ATPAF1: variants seen among roughly 807,000 people sequenced by gnomAD.
ATPAF1 encodes homolog of yeast ATP11.
In ATPAF1, 26 loss-of-function variants were observed where a neutral mutation model predicts 43.9. That is an observed-to-expected ratio of 0.59 (90% CI 0.43 to 0.82). ATPAF1 has a LOEUF of 0.82. Among genes scored for constraint, ATPAF1 ranks in the 40% least tolerant of loss-of-function variants. The pLI, the probability that ATPAF1 is intolerant of heterozygous loss-of-function variation, is 0.00. For missense variants in ATPAF1, 366 were observed against 435.0 expected, an observed-to-expected ratio of 0.84 and a Z score of 1.41; for synonymous variants, 157 against 168.0, an observed-to-expected ratio of 0.93 and a Z score of 0.50.
At position 46,668,094 on chromosome 1, in the gene ATPAF1, A is replaced by G; in HGVS notation, c.229T>C (p.Tyr77His). Residue 77 changes from tyrosine (Y) to histidine (H), a missense_variant, in exon 1 of 9, where the codon TAC becomes CAC. By Grantham distance (83) the Tyr-to-His change is moderately conservative (BLOSUM62 2). Around this residue, in one of 2 missense-constraint regions of ATPAF1, gnomAD observed 186 missense variants for 168.5 expected, o/e 1.10. Coordinates refer to ENST00000574428, the Ensembl canonical transcript of ATPAF1. This position sits in a 1 kb window ranked among gnomAD's most constrained non-coding sequence, Gnocchi z 4.4. The stretch of plus-strand genomic sequence containing the variant: ...TGGATCTTGTCGCGGTAGCGGTCGT[A>G]GAAAGGGTTGGCCTGGAGCTCGGCC... The G allele has an allele frequency of 6.9e-7, 1 of 1,454,838 alleles. No individual in the cohort carries two copies. Among genetic ancestry groups the G allele is most frequent in the Non-Finnish European group, 9.1e-7 (1 of 1,101,884 alleles). 90.1% of individuals were successfully genotyped at this position (1,454,838 alleles called of 1,614,324 possible). A position where few individuals can be genotyped will look rare whatever the true frequency, so the allele number is the denominator to read the frequency against.
chr1:46,635,769 T>C, exon 9 of ATPAF1: 1 of 1,611,578 alleles, frequency 6.2e-7, no homozygotes, highest in East Asian at 2.2e-5. Context: ...GGCCAACCTG[T>C]ACAGTTCTAA....
At chr1:46,654,528 T>TTTATTATTATTATTA (rs57700546) in intron 4 of ATPAF1, among the ~76,000 whole-genome samples, 40 of 135,264 alleles carry the variant, frequency 3.0e-4, no homozygotes, top group East Asian at 8.2e-4. Context: ...TATTTATTTA[T>TTTATTATTATTATTA]TTATTATTAT....
chr1:46,633,606 A>G, downstream of ATPAF1: 1 of 408,310 alleles, frequency 2.4e-6, no homozygotes, highest in Non-Finnish European at 4.7e-6. Flanking sequence ...GTTCTTTGCC[A>G]GATCTTTCTA....
intron 8 of ATPAF1, among the ~76,000 whole-genome samples, chr1:46,641,411 G>A (rs1173440780): frequency 6.6e-6 from 1 of 152,088 alleles, no homozygotes; most frequent in African/African-American, 2.4e-5. Context: ...ATACAAATAT[G>A]TTTTCTTTCT....
intron 2 of ATPAF1, among the ~76,000 whole-genome samples, chr1:46,659,466 T>C (rs1045660242): frequency 3.9e-5 from 6 of 152,326 alleles, no homozygotes; most frequent in Non-Finnish European, 7.4e-5. Context: ...TATCCAAGGA[T>C]ACTGCTTATC....
chr1:46,650,061 T>C (rs1676135208), intron 6 of ATPAF1, among the ~76,000 whole-genome samples: 1 of 152,232 alleles, frequency 6.6e-6, no homozygotes, highest in Admixed American at 6.5e-5. Flanking sequence ...CGAGAAATCA[T>C]TACTGATACC....
chr1:46,644,064 A>T (rs1362738935), intron 7 of ATPAF1, among the ~76,000 whole-genome samples: 4 of 152,220 alleles, frequency 2.6e-5, no homozygotes. Flanking sequence ...TTTCTTGAAC[A>T]TACTTCTAAT....
exon 6 of ATPAF1, chr1:46,652,596 A>G: frequency 1.2e-6 from 2 of 1,613,488 alleles, no homozygotes; most frequent in Admixed American, 3.3e-5. Context: ...GACAGGACTG[A>G]GCCCGGTTCC....
chr1:46,654,263 T>G (rs1208433696), intron 4 of ATPAF1, among the ~76,000 whole-genome samples: 1 of 152,130 alleles, frequency 6.6e-6, no homozygotes, highest in Non-Finnish European at 1.5e-5. Context: ...CAGGCAGACC[T>G]GGATGCGAAT....
chr1:46,657,670 G>A (rs982947280), intron 4 of ATPAF1, among the ~76,000 whole-genome samples: 1 of 152,108 alleles, frequency 6.6e-6, no homozygotes, highest in East Asian at 1.9e-4. Context: ...ACTTGTCCAA[G>A]TCCTATAGAT....
downstream of ATPAF1, chr1:46,634,762 A>G (rs1675806544): frequency 6.6e-6 from 1 of 152,558 alleles, no homozygotes; most frequent in Non-Finnish European, 1.5e-5. Flanking sequence ...CAAACGAAAG[A>G]TGGGTTTCCA....
chr1:46,654,269 C>T (rs1269163534), intron 4 of ATPAF1, among the ~76,000 whole-genome samples: 3 of 152,068 alleles, frequency 2.0e-5, no homozygotes, highest in Admixed American at 6.6e-5. Context: ...GACCTGGATG[C>T]GAATCTCAGC....
chr1:46,642,078 T>A (rs1352947219), intron 8 of ATPAF1, among the ~76,000 whole-genome samples: 1 of 152,206 alleles, frequency 6.6e-6, no homozygotes, highest in Non-Finnish European at 1.5e-5. Flanking sequence ...CCTCCTGCAA[T>A]CTTGCCTATC....
chr1:46,659,615 C>T (rs915378862), intron 2 of ATPAF1, among the ~76,000 whole-genome samples: 1 of 152,142 alleles, frequency 6.6e-6, no homozygotes, highest in Non-Finnish European at 1.5e-5. Context: ...TGTCTCGTAG[C>T]CATTATCTCT....
At chr1:46,635,922 C>T (rs771414219) in exon 9 of ATPAF1, 17 of 1,614,234 alleles carry the variant, frequency 1.1e-5, no homozygotes, top group Non-Finnish European at 1.4e-5. Flanking sequence ...CGATCAGTAG[C>T]GTAGAAGAGC....
intron 1 of ATPAF1, 38 bp from the exon 2 acceptor site, chr1:46,665,402 CT>C (rs1223753321): frequency 1.3e-6 from 2 of 1,582,956 alleles, no homozygotes; most frequent in Non-Finnish European, 1.7e-6. Flanking sequence ...CCAACTGGGC[CT>C]TTTTGAATTC....
Position 46,645,337 on chromosome 1 carries a change from C to T in ATPAF1, c.589-81G>A. On this transcript the variant is annotated intron_variant, in intron 6 of 8. Coordinates refer to ENST00000574428, the Ensembl canonical transcript of ATPAF1. Reference sequence around the variant, plus strand: ...TATCCAACCACCTGTAACATTCATTCCATTTCCTCCATATTTGGTTTTTAA... The same window carrying T: ...TATCCAACCACCTGTAACATTCATTTCATTTCCTCCATATTTGGTTTTTAA... 8 of 1,082,568 alleles carry T rather than the reference C, an allele frequency of 7.4e-6. No homozygotes were observed. In the South Asian group the frequency reaches 1.1e-4, roughly 15 times the overall value. 67.1% of individuals were successfully genotyped at this position (1,082,568 alleles called of 1,614,324 possible).
In ATPAF1 at chr1:46,668,331, C is replaced by A. The variant is rs1162586454; in HGVS notation, c.-9G>T. On this transcript the variant is annotated 5_prime_UTR_variant, in exon 1 of 9. Transcript: ENST00000574428. This position sits in a 1 kb window ranked among gnomAD's most constrained non-coding sequence, Gnocchi z 4.4. ...ACCACCACAGCAGCCATGGCCGCCC[C>A]CGCCTCCTCCTCCTCCTCAGGCGCG... 1 of 1,357,720 alleles carries A rather than the reference C, an allele frequency of 7.4e-7. No homozygotes were observed. The highest frequency in any genetic ancestry group is 9.5e-7 in the Non-Finnish European group (1 of 1,050,722). The allele number at this position is 1,357,720 out of a possible 1,614,324, so 84.1% of individuals were successfully genotyped here. A position where few individuals can be genotyped will look rare whatever the true frequency, so the allele number is the denominator to read the frequency against.
chr1:46,646,678 A>AT (rs1180610058), intron 6 of ATPAF1, among the ~76,000 whole-genome samples: 2 of 152,056 alleles, frequency 1.3e-5, no homozygotes, highest in African/African-American at 2.4e-5. Flanking sequence ...TAGGGAAAAT[A>AT]TTTTTTTTAC....
Sources: allele counts gnomAD v4.1 joint callset (sites outside exome capture counted in the v4.1 genomes callset), GRCh38; gene constraint gnomAD v4.1.1; regional missense constraint gnomAD v4.1.1; non-coding constraint Gnocchi (gnomAD v3.1); transcripts MANE v1.5; gene names NCBI Gene and HGNC (gene_info 2026-07-23, HGNC 2026-07-21).